Variants in GPC5 observed in about 807,000 individuals in gnomAD.
The protein encoded by GPC5 is glypican-5.
A neutral mutation model predicts 53.9 loss-of-function variants in GPC5; 47 were observed. That is an observed-to-expected ratio of 0.87 (90% CI 0.69 to 1.11). The LOEUF (loss-of-function observed/expected upper bound fraction) is 1.11. Among genes scored for constraint, GPC5 ranks in the 50% most tolerant of loss-of-function variants. The pLI, the probability that GPC5 is intolerant of heterozygous loss-of-function variation, is 0.00. For missense variants in GPC5, 748 were observed against 713.1 expected (o/e 1.05, Z -0.56); for synonymous variants, 286 against 263.3 (o/e 1.09, Z -0.84).
At chr13:92,824,674 C>T (rs1877784007) in intron 7 of GPC5, among the ~76,000 whole-genome samples, 1 of 150,654 alleles carries the variant, frequency 6.6e-6, no homozygotes, top group Admixed American at 6.6e-5. Flanking sequence ...AAAGTGAATC[C>T]TGTAATTTTA....
At chr13:91,470,350 A>G (rs1407814735) in intron 2 of GPC5, among the ~76,000 whole-genome samples, 2 of 152,172 alleles carry the variant, frequency 1.3e-5, no homozygotes, top group Admixed American at 6.5e-5. Context: ...AAAAGTGCTC[A>G]TAACCACTGA....
chr13:92,530,235 C>T (rs988189069), intron 7 of GPC5, among the ~76,000 whole-genome samples: 1 of 152,028 alleles, frequency 6.6e-6, no homozygotes, highest in Non-Finnish European at 1.5e-5. Flanking sequence ...ACAATGAAAT[C>T]TTAGGAGCTT....
At chr13:92,324,690 C>T (rs1039930820) in intron 7 of GPC5, among the ~76,000 whole-genome samples, 1 of 151,650 alleles carries the variant, frequency 6.6e-6, no homozygotes, top group African/African-American at 2.4e-5. Flanking sequence ...TACTGCATAT[C>T]ATTATGTAGT....
At chr13:92,405,674 T>C (rs1239210511) in intron 7 of GPC5, among the ~76,000 whole-genome samples, 1 of 152,210 alleles carries the variant, frequency 6.6e-6, no homozygotes, top group Non-Finnish European at 1.5e-5. Flanking sequence ...TATATCTTAT[T>C]TATGATAACT....
chr13:92,747,026 T>C (rs776518338), intron 7 of GPC5, among the ~76,000 whole-genome samples: 14 of 152,208 alleles, frequency 9.2e-5, no homozygotes, highest in Admixed American at 2.0e-4. Flanking sequence ...TGTAACACAA[T>C]GGTATTTGTG....
At chr13:92,718,518 A>C (rs1166221381) in intron 7 of GPC5, among the ~76,000 whole-genome samples, 1 of 152,088 alleles carries the variant, frequency 6.6e-6, no homozygotes, top group East Asian at 1.9e-4. Context: ...ACTCATGGAG[A>C]TAGGGAATAG....
intron 7 of GPC5, among the ~76,000 whole-genome samples, chr13:92,679,623 T>G (rs1339171064): frequency 1.3e-5 from 2 of 151,808 alleles, no homozygotes; most frequent in Non-Finnish European, 2.9e-5. Context: ...TGTCAAACTA[T>G]CACTTAATAG....
intron 7 of GPC5, among the ~76,000 whole-genome samples, chr13:92,702,689 A>G (rs926157612): frequency 6.6e-6 from 1 of 152,090 alleles, no homozygotes; most frequent in Admixed American, 6.6e-5. Context: ...ACTTCGGTCC[A>G]TCATCGCCTA....
At chr13:91,556,874 C>G (rs1285682158) in intron 2 of GPC5, among the ~76,000 whole-genome samples, 1 of 151,904 alleles carries the variant, frequency 6.6e-6, no homozygotes, top group Non-Finnish European at 1.5e-5. Flanking sequence ...TCAGTATATA[C>G]TGCTCGGGTG....
At chr13:91,842,982 A>C (rs2038806862) in intron 5 of GPC5, among the ~76,000 whole-genome samples, 1 of 152,154 alleles carries the variant, frequency 6.6e-6, no homozygotes, top group Non-Finnish European at 1.5e-5. Context: ...TTAATTGGCA[A>C]TATTTCAATG....
chr13:92,759,983 G>A (rs1875093620), intron 7 of GPC5, among the ~76,000 whole-genome samples: 1 of 151,968 alleles, frequency 6.6e-6, no homozygotes, highest in African/African-American at 2.4e-5. Context: ...GTGTGGTTTT[G>A]TTTTTCAATA....
chr13:91,986,387 T>C (rs569805600), intron 6 of GPC5, among the ~76,000 whole-genome samples: 9 of 152,204 alleles, frequency 5.9e-5, no homozygotes, highest in Non-Finnish European at 1.0e-4. Flanking sequence ...TTTATTATTT[T>C]CTACTTTTTA....
At chr13:92,734,343 T>C (rs1275634568) in intron 7 of GPC5, among the ~76,000 whole-genome samples, 2 of 151,884 alleles carry the variant, frequency 1.3e-5, no homozygotes, top group African/African-American at 4.8e-5. Flanking sequence ...TGGTGAATTC[T>C]CAGATAATAC....
chr13:91,840,840 G>A (rs1049999759), intron 5 of GPC5, among the ~76,000 whole-genome samples: 4 of 151,160 alleles, frequency 2.6e-5, no homozygotes, highest in South Asian at 2.1e-4. Context: ...CCTGAATTAC[G>A]GTTAACTATT....
chr13:92,392,782 C>G lies in GPC5; in HGVS notation c.1561+247793C>G, dbSNP rs989832692. ...CAAAAGAAGACATACATGTGGCCAA[C>G]AAGCATATATAAAAAAAGCTCAGTA... On this transcript the variant is annotated intron_variant, in intron 7 of 7. Coordinates refer to ENST00000377067, the MANE Select transcript of GPC5 (RefSeq NM_004466.6). Among the ~76,000 whole-genome samples, 9 of 152,182 alleles carry G rather than the reference C, an allele frequency of 5.9e-5. No homozygotes were observed. The East Asian group carries it at 1.5e-3, about 26-fold the overall frequency.
At chr13:92,662,747 G>A (rs2139188534) in intron 7 of GPC5, among the ~76,000 whole-genome samples, 1 of 152,278 alleles carries the variant, frequency 6.6e-6, no homozygotes, top group African/African-American at 2.4e-5. Context: ...CAGATCCATA[G>A]TCTGGATTAT....
intron 7 of GPC5, among the ~76,000 whole-genome samples, chr13:92,561,222 G>A (rs1345508564): frequency 6.6e-6 from 1 of 151,974 alleles, no homozygotes. Context: ...AAGTTATGCT[G>A]CGCTTATTTA....
chr13:91,999,498 T>C (rs936035681), intron 6 of GPC5, among the ~76,000 whole-genome samples: 3 of 152,194 alleles, frequency 2.0e-5, no homozygotes, highest in Non-Finnish European at 4.4e-5. Flanking sequence ...ATATTGACTT[T>C]TCCCTTTGGG....
Position 92,633,388 on chromosome 13 carries a change from T to A in GPC5, c.1562-232894T>A, listed in dbSNP as rs1183720300. Among the ~76,000 whole-genome samples, 3 of 152,114 alleles carry A rather than the reference T, an allele frequency of 2.0e-5. No individual in the cohort carries two copies. In the East Asian group the frequency reaches 5.8e-4, roughly 29 times the overall value. On this transcript the variant is annotated intron_variant, in intron 7 of 7. Transcript: ENST00000377067. ...TGAGTCAAAAAAAAAAGATATAAAC[T>A]GGCATTTTAGCTTAGCTACTTATAA...
Sources: allele counts gnomAD v4.1 joint callset (sites outside exome capture counted in the v4.1 genomes callset), GRCh38; gene constraint gnomAD v4.1.1; transcripts MANE v1.5; gene names NCBI Gene and HGNC (gene_info 2026-07-23, HGNC 2026-07-21).